Variants in GALK2 observed in about 807,000 individuals in gnomAD.
The protein encoded by GALK2 is N-acetylgalactosamine kinase.
A neutral mutation model predicts 52.4 loss-of-function variants in GALK2; 36 were observed. The observed-to-expected ratio is 0.69, with a 90% CI of 0.53 to 0.91. GALK2 has a LOEUF of 0.91. Ranked by LOEUF, GALK2 falls within the 40% of genes least tolerant of loss-of-function variation. The probability of loss-of-function intolerance (pLI) is 0.00; values close to 1 mark genes in which losing one functional copy is unlikely to be tolerated. For synonymous variants in GALK2, 176 were observed against 199.1 expected, an observed-to-expected ratio of 0.88 and a Z score of 0.98; for missense variants, 579 against 559.1, an observed-to-expected ratio of 1.04 and a Z score of -0.36.
chr15:49,294,087 CAAATAAAT>C (rs201999229), intron 8 of GALK2, among the ~76,000 whole-genome samples: 3,323 of 131,020 alleles, frequency 0.025, 115 homozygotes, highest in African/African-American at 0.078. Context: ...GACCCTGTCT[CAAATAAAT>C]AAATAAATAA....
At position 49,366,767 on chromosome 15, in the gene GALK2, C is replaced by G. The variant is rs997391197; in HGVS notation, c.427-724C>G. The G allele has an allele frequency of 1.0e-5, 7 of 679,998 alleles. No individual in the cohort carries two copies. The African/African-American group carries it at 1.3e-4, about 13-fold the overall frequency. 42.1% of individuals were successfully genotyped at this position (679,998 alleles called of 1,614,324 possible). A position where few individuals can be genotyped will look rare whatever the true frequency, so the allele number is the denominator to read the frequency against. On this transcript the variant is annotated intron_variant, in intron 3 of 3. Coordinates refer to the GALK2 transcript ENST00000558399. ...GGGAGTCCCGCCACTGCGCTGCCTC[C>G]GTGGCGGGGGCGGCCGGGCTAGGCT... is the stretch of plus-strand genomic sequence containing the variant.
intron 2 of GALK2, among the ~76,000 whole-genome samples, chr15:49,213,934 G>A (rs868282608): frequency 2.0e-5 from 3 of 151,998 alleles, no homozygotes; most frequent in Non-Finnish European, 4.4e-5. Context: ...TGGCTAACAC[G>A]GTGAAACCCC....
Position 49,328,183 on chromosome 15 carries a change from A to G in GALK2, c.*24A>G, listed in dbSNP as rs946133210. 7 of 1,601,260 alleles carry G rather than the reference A, an allele frequency of 4.4e-6. No homozygotes were observed. In the African/African-American group the frequency reaches 9.4e-5, roughly 21 times the overall value. Reference sequence around the variant, plus strand: ...GAAAAAATGTAAAAAGTCTGAGAGAAACTACTTAGGGCACTTAGGAATTGG... The same window carrying G: ...GAAAAAATGTAAAAAGTCTGAGAGAGACTACTTAGGGCACTTAGGAATTGG... On this transcript the variant is annotated 3_prime_UTR_variant, in exon 10 of 10. Transcript: ENST00000560031.
intron 8 of GALK2, among the ~76,000 whole-genome samples, chr15:49,294,965 C>T (rs996740853): frequency 6.6e-6 from 1 of 152,016 alleles, no homozygotes; most frequent in Non-Finnish European, 1.5e-5. Flanking sequence ...GTATTGTGTG[C>T]AGTATGAGTT....
At chr15:49,315,503 A>G (rs978637821) in intron 8 of GALK2, among the ~76,000 whole-genome samples, 5 of 152,208 alleles carry the variant, frequency 3.3e-5, no homozygotes, top group Admixed American at 3.3e-4. Flanking sequence ...GCACATAACA[A>G]GCCAGAACCC....
rs553052731 is a variant in GALK2, at chr15:49,366,653, G to A, written c.427-838G>A. 49 of 1,558,084 alleles carry A rather than the reference G, an allele frequency of 3.1e-5. No individual in the cohort carries two copies. In the East Asian group the frequency reaches 1.1e-3, roughly 34 times the overall value. The stretch of plus-strand genomic sequence containing the variant: ...CAGGAAGCCCCAGAGCAGGGCGGCC[G>A]TGGCAGGGGACAGCCGCCGCTGCGG... On this transcript the variant is annotated intron_variant, in intron 3 of 3. Transcript: ENST00000558399.
intron 8 of GALK2, among the ~76,000 whole-genome samples, chr15:49,303,624 G>C (rs1255054503): frequency 6.6e-6 from 1 of 152,152 alleles, no homozygotes; most frequent in Non-Finnish European, 1.5e-5. Flanking sequence ...GTATGTACCT[G>C]GTTTCCTGAC....
At chr15:49,355,915 A>G (rs1199525132) in intron 3 of GALK2, among the ~76,000 whole-genome samples, 1 of 152,010 alleles carries the variant, frequency 6.6e-6, no homozygotes, top group African/African-American at 2.4e-5. Context: ...TACAAGCCAG[A>G]AGAGAGTGGG....
chr15:49,367,427 G>A (rs2045394140), intron 3 of GALK2: 1 of 1,520,072 alleles, frequency 6.6e-7, no homozygotes, highest in Non-Finnish European at 8.8e-7. Flanking sequence ...TTATATTAAA[G>A]CAAAGCTTTA....
intron 2 of GALK2, 152 bp from the exon 3 acceptor site, chr15:49,217,038 G>C (rs1403785615): frequency 1.7e-6 from 1 of 571,936 alleles, no homozygotes; most frequent in Non-Finnish European, 3.0e-6. Flanking sequence ...ATCATGGAAG[G>C]GTTCTATTTG....
At chr15:49,322,680 G>C (rs2036977832) in intron 9 of GALK2, among the ~76,000 whole-genome samples, 1 of 152,038 alleles carries the variant, frequency 6.6e-6, no homozygotes, top group Non-Finnish European at 1.5e-5. Flanking sequence ...TTCTCTTGCC[G>C]GGCCCAATTG....
intron 3 of GALK2, chr15:49,366,242 A>G (rs2045161594): frequency 7.6e-6 from 6 of 786,284 alleles, no homozygotes; most frequent in African/African-American, 3.4e-5. Flanking sequence ...AGTCTGCTTC[A>G]TATCTATAAA....
chr15:49,228,688 T>TATATATATATATATATATATATATATAAA, intron 3 of GALK2, among the ~76,000 whole-genome samples: 1 of 10,452 alleles, frequency 9.6e-5, no homozygotes. Flanking sequence ...TATATATATA[T>TATATATATATATATATATATATATATAAA]TTTTTTTTTT....
intron 5 of GALK2, among the ~76,000 whole-genome samples, chr15:49,249,836 C>T (rs774298731): frequency 4.6e-5 from 7 of 152,152 alleles, no homozygotes; most frequent in African/African-American, 9.7e-5. Context: ...CTGGTCCAAG[C>T]GGGCATTAGG....
At chr15:49,198,156 A>G (rs996597511) in intron 1 of GALK2, among the ~76,000 whole-genome samples, 1 of 152,108 alleles carries the variant, frequency 6.6e-6, no homozygotes. Flanking sequence ...ACCATCTCTC[A>G]TTGCTTGTGA....
chr15:49,261,539 C>G (rs2141627810), intron 5 of GALK2, among the ~76,000 whole-genome samples: 1 of 152,240 alleles, frequency 6.6e-6, no homozygotes, highest in South Asian at 2.1e-4. Flanking sequence ...TTCCTCTTTT[C>G]CTGATTGAAT....
At chr15:49,303,164 G>T (rs970371355) in intron 8 of GALK2, among the ~76,000 whole-genome samples, 1 of 152,118 alleles carries the variant, frequency 6.6e-6, no homozygotes, top group African/African-American at 2.4e-5. Context: ...GAAAAAAAAT[G>T]GGCTTACCTG....
At position 49,330,995 on chromosome 15, in the gene GALK2, T is replaced by TTATTATACTGTCCTGTTTGTA. The variant is rs1202971014; in HGVS notation, c.*2845_*2865dup. ...AACAAAAATGAATAGTCCTGTTTGC[T>TTATTATACTGTCCTGTTTGTA]TATTATACTGTCCTGTTTGTATATT... is the stretch of plus-strand genomic sequence containing the variant. On this transcript the variant is annotated 3_prime_UTR_variant, in exon 10 of 10. Transcript: ENST00000560031. 2 of 152,250 alleles carry TTATTATACTGTCCTGTTTGTA rather than the reference T, an allele frequency of 1.3e-5. No individual in the cohort carries two copies. The highest frequency in any genetic ancestry group is 1.3e-4 in the Admixed American group (2 of 15,278). 9.4% of individuals were successfully genotyped at this position (152,250 alleles called of 1,614,324 possible).
intron 5 of GALK2, among the ~76,000 whole-genome samples, chr15:49,277,620 AC>A (rs2032029021): frequency 6.9e-6 from 1 of 144,830 alleles, no homozygotes; most frequent in Non-Finnish European, 1.5e-5. Context: ...ACACAGTGAA[AC>A]CCCGTCTCTA....
Sources: allele counts gnomAD v4.1 joint callset (sites outside exome capture counted in the v4.1 genomes callset), GRCh38; gene constraint gnomAD v4.1.1; transcripts MANE v1.5; gene names NCBI Gene and HGNC (gene_info 2026-07-23, HGNC 2026-07-21).